The following SBSN variants were observed in gnomAD, a reference collection of about 807,000 sequenced individuals.
SBSN encodes the protein HLAR698.
SBSN carries 33 observed loss-of-function variants against 42.8 expected under a neutral mutation model. The observed-to-expected ratio is 0.77, with a 90% CI of 0.58 to 1.03. SBSN has a LOEUF of 1.03. SBSN is among the 50% of genes least tolerant of loss of function. The pLI, the probability that SBSN is intolerant of heterozygous loss-of-function variation, is 0.00. For missense variants in SBSN, 646 were observed against 757.3 expected (o/e 0.85, Z 1.72); for synonymous variants, 276 against 307.0 (o/e 0.90, Z 1.06).
At position 35,525,795 on chromosome 19, in the gene SBSN, G is replaced by A. The variant is rs566189601; in HGVS notation, c.1638+849C>T. On this transcript the variant is annotated intron_variant, in intron 1 of 3. Coordinates refer to ENST00000452271, the MANE Select transcript of SBSN (RefSeq NM_001166034.2). Reference sequence around the variant, plus strand: ...CTTCTCGGGTTCAAGGGATTCTCCTGCCTCAGCCTTCTGAGTAGTTGGGAT... The same window carrying A: ...CTTCTCGGGTTCAAGGGATTCTCCTACCTCAGCCTTCTGAGTAGTTGGGAT... Among the ~76,000 whole-genome samples, 20 of 152,290 alleles carry A rather than the reference G, an allele frequency of 1.3e-4. No individual in the cohort carries two copies. In the South Asian group the frequency reaches 3.9e-3, roughly 30 times the overall value.
In SBSN at chr19:35,526,636, TCAC is replaced by T; in HGVS notation, c.1638+5_1638+7del. 1.6e-6 allele frequency: 2 copies of T among 1,288,158 alleles called. No homozygotes were observed. The highest frequency in any genetic ancestry group is 2.1e-6 in the Non-Finnish European group (2 of 954,268). The allele number at this position is 1,288,158 out of a possible 1,614,324, so 79.8% of individuals were successfully genotyped here. A position where few individuals can be genotyped will look rare whatever the true frequency, so the allele number is the denominator to read the frequency against. ...CTGTCCCCCATCTCCCCATCCCTGT[TCAC>T]CTACATTCAGCAGCTGGTTGGCCTC... On this transcript the variant is annotated splice_donor_5th_base_variant and intron_variant, in intron 1 of 3. Transcript: ENST00000452271.
At chr19:35,526,046 T>C (rs1403418825) in intron 1 of SBSN, among the ~76,000 whole-genome samples, 1 of 152,148 alleles carries the variant, frequency 6.6e-6, no homozygotes, top group African/African-American at 2.4e-5. Flanking sequence ...GGCTGGGCAG[T>C]GCAGGGGAAG....
chr19:35,526,529 T>C, intron 1 of SBSN, 115 bp downstream of exon 1: 2 of 974,428 alleles, frequency 2.1e-6, no homozygotes, highest in Non-Finnish European at 3.0e-6. Flanking sequence ...TGCCCAAGCT[T>C]CTTTCACCAA....
In SBSN at chr19:35,524,860, CCA is replaced by C. The variant is rs1473077517; in HGVS notation, c.1701_1702del (p.Ala569LeufsTer32). The C allele has an allele frequency of 6.2e-7, 1 of 1,614,108 alleles. No homozygotes were observed. On this transcript the variant is annotated frameshift_variant and splice_region_variant, in exon 2 of 4. Transcript: ENST00000452271. LOFTEE classifies it high-confidence loss of function. Reference sequence around the variant, plus strand: ...CCCTACCCCAGAGTCCGCGCTTACCCCAGAGGCTAACGGCGTGGTTGTGGCCC... The same window carrying C: ...CCCTACCCCAGAGTCCGCGCTTACCCGAGGCTAACGGCGTGGTTGTGGCCC...
rs747570686 is a variant in SBSN at position 35,528,214 on chromosome 19, G to C, written c.68C>G (p.Ala23Gly). The change falls in exon 1 of 4, where the codon GCG (alanine) becomes GGG (glycine). Residue 23 changes from alanine to glycine, a missense_variant. By Grantham distance (60) the Ala-to-Gly change is moderately conservative (BLOSUM62 0). Coordinates refer to ENST00000452271, the MANE Select transcript of SBSN (RefSeq NM_001166034.2). ...CTTCTCAATGGGGTCATCGCTGGCC[G>C]CCCATCCAGACAGGGCCCCCAGTAG... Reference protein sequence around the residue: ...LLLLGALSGWAASDDPIEKVI... With the variant: ...LLLLGALSGWGASDDPIEKVI... 6.2e-7 allele frequency: 1 copy of C among 1,613,906 alleles called. No individual in the cohort carries two copies. The highest frequency in any genetic ancestry group is 8.5e-7 in the Non-Finnish European group (1 of 1,180,010).
Position 35,527,013 on chromosome 19 carries a change from G to A in SBSN, c.1269C>T (p.Gly423=). ...GCCCTGCTGTGTGGTGAATGTCGTG[G>A]CCAAACTGCCCCGCCTCCCTTCCAG... ...SQAGREAGQF[G]HDIHHTAGQA... Residue 423 remains glycine, a synonymous_variant, in exon 1 of 4, where the codon GGC becomes GGT. Transcript: ENST00000452271. 1 of 1,544,862 alleles carries A rather than the reference G, an allele frequency of 6.5e-7. No individual in the cohort carries two copies. Among genetic ancestry groups the A allele is most frequent in the Non-Finnish European group, 8.7e-7 (1 of 1,146,986 alleles).
In SBSN at chr19:35,527,863, T is replaced by A; in HGVS notation, c.419A>T (p.His140Leu). 6.2e-7 allele frequency: 1 copy of A among 1,613,974 alleles called. No individual in the cohort carries two copies. Reference sequence around the variant, plus strand: ...CTCACTTCCCGCCTGGTTGGCCCCGTGATGGACCCCATGATGGATCAGTTT... The same window carrying A: ...CTCACTTCCCGCCTGGTTGGCCCCGAGATGGACCCCATGATGGATCAGTTT... Reference protein sequence around the residue: ...ADKLIHHGVHHGANQAGSEAG... With the variant: ...ADKLIHHGVHLGANQAGSEAG... Residue 140 changes from histidine (H) to leucine (L), a missense_variant, in exon 1 of 4, where the codon CAC becomes CTC. By Grantham distance (99) the His-to-Leu change is moderately conservative. Around this residue, in one of 3 missense-constraint regions of SBSN, gnomAD observed 190 missense variants for 197.1 expected, o/e 0.96. Coordinates refer to ENST00000452271, the MANE Select transcript of SBSN (RefSeq NM_001166034.2).
chr19:35,525,602 A>T (rs1454365248), intron 1 of SBSN, among the ~76,000 whole-genome samples: 1 of 151,786 alleles, frequency 6.6e-6, no homozygotes, highest in Non-Finnish European at 1.5e-5. Context: ...CCTGCTCCCC[A>T]CGCTCCCTTC....
Position 35,527,654 on chromosome 19 carries a change from C to T in SBSN, c.628G>A (p.Ala210Thr), listed in dbSNP as rs77183144. The change falls in exon 1 of 4, where the codon GCC becomes ACC. Residue 210 changes from alanine to threonine, a missense_variant. Around this residue, in one of 3 missense-constraint regions of SBSN, gnomAD observed 220 missense variants for 334.5 expected, o/e 0.66. Coordinates refer to ENST00000452271, the MANE Select transcript of SBSN (RefSeq NM_001166034.2). ...CAGCCCTCACTGAGACCATGGTGGG[C>T]CCCCTGGCCAAATCTCCCAGCCTCA... is the stretch of plus-strand genomic sequence containing the variant. ...GNEAGRFGQG[A>T]HHGLSEGWKE... 1 of 1,540,720 alleles carries T rather than the reference C, an allele frequency of 6.5e-7. No homozygotes were observed. The highest frequency in any genetic ancestry group is 2.0e-5 in the Admixed American group (1 of 49,438).
chr19:35,528,107 T>C lies in SBSN; in HGVS notation c.175A>G (p.Thr59Ala), dbSNP rs1426916831. 6.2e-7 allele frequency: 1 copy of C among 1,614,076 alleles called. No individual in the cohort carries two copies. The highest frequency in any genetic ancestry group is 8.5e-7 in the Non-Finnish European group (1 of 1,180,008). ...TTCTCCACTTCCCTTCCGGCATGCG[T>C]GATTCCACTGTTGATGCCATCCAGG... The part of the protein sequence containing the change: ...KALDGINSGI[T>A]HAGREVEKVF... Residue 59 changes from threonine (T) to alanine (A), a missense_variant, in exon 1 of 4, where the codon ACG (threonine) becomes GCG (alanine). By Grantham distance (58) the Thr-to-Ala change is moderately conservative. Coordinates refer to ENST00000452271, the MANE Select transcript of SBSN (RefSeq NM_001166034.2).
At chr19:35,526,574 T>C (rs2071372828) in intron 1 of SBSN, 70 bp downstream of exon 1, 1 of 622,474 alleles carries the variant, frequency 1.6e-6, no homozygotes, top group East Asian at 5.2e-5. Flanking sequence ...CCCCGCCAAA[T>C]GTCCCAGGGG....
In SBSN at chr19:35,528,080, CCTT is replaced by C. The variant is rs1246477386; in HGVS notation, c.199_201del (p.Lys67del). The C allele has an allele frequency of 2.5e-6, 4 of 1,614,058 alleles. No individual in the cohort carries two copies. In the Admixed American group the frequency reaches 5.0e-5, roughly 20 times the overall value. ...CCCATGTTGCTAAGTCCGTTGAAAA[CCTT>C]CTCCACTTCCCTTCCGGCATGCGTG... On this transcript the variant is annotated inframe_deletion, in exon 1 of 4. Coordinates refer to ENST00000452271, the MANE Select transcript of SBSN (RefSeq NM_001166034.2).
At position 35,525,013 on chromosome 19, in the gene SBSN, G is replaced by A. The variant is rs1333115987; in HGVS notation, c.1639-89C>T. ...TCCCCAGGGACCTGGTCCCCTCCAG[G>A]GTGACTGGGGCTGCGGTGGGAGGCA... On this transcript the variant is annotated intron_variant, in intron 1 of 3. Transcript: ENST00000452271. The A allele has an allele frequency of 3.6e-6, 5 of 1,398,080 alleles. No homozygotes were observed. The African/African-American group carries it at 5.7e-5, about 16-fold the overall frequency. 86.6% of individuals were successfully genotyped at this position (1,398,080 alleles called of 1,614,324 possible).
chr19:35,527,814 G>C lies in SBSN; in HGVS notation c.468C>G (p.Val156=), dbSNP rs368011576. The change falls in exon 1 of 4, where the codon GTC becomes GTG. Residue 156 remains valine (V), a synonymous_variant. Transcript: ENST00000452271. ...TTCCAGCCTGCCCTGCAGCATTGTC[G>C]ACTCCCTGGCCAAACTTCCCTGCCT... ...GSEAGKFGQG[V]DNAAGQAGNE... is the part of the protein sequence containing the mutation. 9.7e-5 allele frequency: 157 copies of C among 1,613,048 alleles called. 1 individual carries two copies. The African/African-American group carries it at 1.9e-3, about 20-fold the overall frequency.
intron 1 of SBSN, 102 bp downstream of exon 1, chr19:35,526,542 A>G: frequency 1.8e-6 from 2 of 1,101,372 alleles, no homozygotes. Flanking sequence ...TTCACCAAAC[A>G]AAGGCTACGC....
chr19:35,523,612 G>T, intron 3 of SBSN, 79 bp from the exon 4 acceptor site: 2 of 1,437,878 alleles, frequency 1.4e-6, no homozygotes, highest in East Asian at 2.3e-5. Flanking sequence ...CCCGCCCCTC[G>T]GGAGAAGCAC....
Position 35,526,988 on chromosome 19 carries a change from GC to G in SBSN, c.1293del (p.Gln432ArgfsTer8). The G allele has an allele frequency of 6.4e-7, 1 of 1,551,544 alleles. No homozygotes were observed. On this transcript the variant is annotated frameshift_variant, in exon 1 of 4. Transcript: ENST00000452271. LOFTEE classifies it high-confidence loss of function. ...QFGHDIHHTAGQAGKEGDIAV... is the reference protein window; with the variant it reads ...QFGHDIHHTAXQAGKEGDIAV... ...GCTATGTCTCCCTCTTTCCCAGCCT[GC>G]CCTGCTGTGTGGTGAATGTCGTGGC...
rs377009732 is a variant in SBSN, at chr19:35,524,741, C to T, written c.1719G>A (p.Thr573=). Residue 573 remains threonine, a synonymous_variant, in exon 3 of 4, where the codon ACG becomes ACA. Coordinates refer to ENST00000452271, the MANE Select transcript of SBSN (RefSeq NM_001166034.2). The part of the protein sequence containing the change: ...TPLASGASVN[T]PFINLPALWR... Reference sequence around the variant, plus strand: ...ACAGGGCGGGAAGGTTGATGAAAGGCGTGTTGACCGAGGCCTGCAATTCAA... The same window carrying T: ...ACAGGGCGGGAAGGTTGATGAAAGGTGTGTTGACCGAGGCCTGCAATTCAA... 7.4e-6 allele frequency: 12 copies of T among 1,613,898 alleles called. No homozygotes were observed. Among genetic ancestry groups the T allele is most frequent in the African/African-American group, 2.7e-5 (2 of 74,874 alleles).
In SBSN at chr19:35,527,109, G is replaced by A. The variant is rs755838670; in HGVS notation, c.1173C>T (p.His391=). The A allele has an allele frequency of 7.2e-6, 11 of 1,537,200 alleles. No homozygotes were observed. Among genetic ancestry groups the A allele is most frequent in the Non-Finnish European group, 9.6e-6 (11 of 1,146,912 alleles). The change falls in exon 1 of 4, where the codon CAC becomes CAT. Residue 391 remains histidine (H), a synonymous_variant. Transcript: ENST00000452271. The part of the protein sequence containing the change: ...KEAEKFGQGV[H]HAASQVGKEE... The stretch of plus-strand genomic sequence containing the variant: ...CCTTCCCCACCTGCGAGGCAGCATG[G>A]TGGACACCCTGGCCAAACTTCTCTG...
Sources: allele counts gnomAD v4.1 joint callset (sites outside exome capture counted in the v4.1 genomes callset), GRCh38; gene constraint gnomAD v4.1.1; regional missense constraint gnomAD v4.1.1; transcripts MANE v1.5; gene names NCBI Gene and HGNC (gene_info 2026-07-23, HGNC 2026-07-21).